PRR33: variants seen among roughly 807,000 people sequenced by gnomAD.
The protein encoded by PRR33 is proline rich 33.
Under a neutral mutation model 0.5 loss-of-function variants are expected in PRR33, and 1 was observed. The observed-to-expected ratio is 2.18, with a 90% confidence interval of 0.77 to 10.34. The LOEUF (loss-of-function observed/expected upper bound fraction) is 10.34. Ranked by LOEUF, PRR33 falls within the 30% of genes most tolerant of loss-of-function variation. The pLI, the probability that PRR33 is intolerant of heterozygous loss-of-function variation, is 0.13. For synonymous variants in PRR33, 226 were observed against 110.0 expected (o/e 2.06, Z -6.60); for missense variants, 552 against 251.8 (o/e 2.19, Z -8.07).
upstream of PRR33, among the ~76,000 whole-genome samples, chr11:1,894,077 T>TGA (rs1554978157): frequency 7.6e-4 from 3 of 3,946 alleles, no homozygotes; most frequent in South Asian, 0.01. Context: ...TGTGTGTGTG[T>TGA]GATAGGGCCT....
chr11:1,908,611 G>A, the PRR33 span, among the ~76,000 whole-genome samples: 2 of 151,982 alleles, frequency 1.3e-5, no homozygotes, highest in Admixed American at 1.3e-4. Context: ...GGTGGTTGTT[G>A]GAAGATAATT....
At chr11:1,897,827 A>G in the PRR33 span, among the ~76,000 whole-genome samples, 3 of 152,308 alleles carry the variant, frequency 2.0e-5, no homozygotes, top group Admixed American at 6.5e-5. This position sits in a 1 kb window ranked among gnomAD's most constrained non-coding sequence, Gnocchi z 4.0. Context: ...GCTGCATGCA[A>G]ACATTTAAAA....
the PRR33 span, among the ~76,000 whole-genome samples, chr11:1,916,751 C>T: frequency 0.065 from 9,892 of 152,262 alleles, 394 homozygotes; most frequent in African/African-American, 0.11. Flanking sequence ...AGGGCCTGTC[C>T]CTCTGAGCTC....
upstream of PRR33, among the ~76,000 whole-genome samples, chr11:1,892,587 C>G (rs973269976): frequency 1.3e-5 from 2 of 152,244 alleles, no homozygotes; most frequent in Admixed American, 1.3e-4. Flanking sequence ...TCGGGGCCTC[C>G]CCCAACACCA....
rs1230733798 is a variant in PRR33 at position 1,888,825 on chromosome 11, G to A, written c.*320C>T. ...AGGAGCCTGGGCTAGGTCAGTAGAT[G>A]CAGTCCTCTGCCATCTTACCTAAAG... On this transcript the variant is annotated 3_prime_UTR_variant, in exon 1 of 1. Transcript: ENST00000640310. 6 of 298,696 alleles carry A rather than the reference G, an allele frequency of 2.0e-5. No individual in the cohort carries two copies. The South Asian group carries it at 7.1e-4, about 35-fold the overall frequency. The allele number at this position is 298,696 out of a possible 1,614,324, so 18.5% of individuals were successfully genotyped here.
the PRR33 span, among the ~76,000 whole-genome samples, chr11:1,910,254 G>T: frequency 6.6e-6 from 1 of 152,030 alleles, no homozygotes; most frequent in Admixed American, 6.6e-5. Context: ...GCGCCATTGT[G>T]GTGTTTTTTT....
chr11:1,889,189 G>T, exon 1 of PRR33: 1 of 675,488 alleles, frequency 1.5e-6, no homozygotes. Flanking sequence ...AAGTTCTTGG[G>T]CTGGGGGCTC....
the PRR33 span, among the ~76,000 whole-genome samples, chr11:1,903,510 C>T: frequency 6.6e-6 from 1 of 152,172 alleles, no homozygotes; most frequent in Admixed American, 6.6e-5. Context: ...ATTTTAGAAG[C>T]TTCTTCACAT....
upstream of PRR33, among the ~76,000 whole-genome samples, chr11:1,896,443 A>G (rs1323571556): frequency 6.6e-6 from 1 of 152,244 alleles, no homozygotes; most frequent in Non-Finnish European, 1.5e-5. Flanking sequence ...AATATCTGAT[A>G]GTTGATTACC....
the PRR33 span, among the ~76,000 whole-genome samples, chr11:1,915,844 A>AGATG: frequency 6.8e-6 from 1 of 146,792 alleles, no homozygotes; most frequent in Non-Finnish European, 1.5e-5. Context: ...ATAGATGAAG[A>AGATG]GATGGATGGA....
At chr11:1,889,015 C>G (rs1322835996) in exon 1 of PRR33, 1 of 556,860 alleles carries the variant, frequency 1.8e-6, no homozygotes, top group African/African-American at 2.0e-5. Context: ...CCTTCCCAGG[C>G]TGCCCTGCAC....
the PRR33 span, among the ~76,000 whole-genome samples, chr11:1,914,423 CTCTGTGTGTGTG>C: frequency 1.4e-5 from 2 of 146,484 alleles, no homozygotes; most frequent in Non-Finnish European, 3.0e-5. Context: ...GATGATGTTT[CTCTGTGTGTGTG>C]TCTGTGTGTG....
chr11:1,891,947 G>A (rs1849017578), upstream of PRR33: 1 of 152,022 alleles, frequency 6.6e-6, no homozygotes, highest in Non-Finnish European at 1.5e-5. Context: ...GGACCCTTTA[G>A]CCTCTCTGCC....
upstream of PRR33, among the ~76,000 whole-genome samples, chr11:1,895,727 A>G (rs938263332): frequency 3.9e-5 from 6 of 152,182 alleles, no homozygotes; most frequent in Non-Finnish European, 7.3e-5. Context: ...TGAGGTACGA[A>G]TGCAAATTAT....
rs1324296825 is a variant in PRR33 at position 1,891,226 on chromosome 11, TG to T, written c.-643del. The T allele has an allele frequency of 6.6e-6, 1 of 152,382 alleles. No individual in the cohort carries two copies. The highest frequency in any genetic ancestry group is 2.4e-5 in the African/African-American group (1 of 41,442). 9.4% of individuals were successfully genotyped at this position (152,382 alleles called of 1,614,324 possible). ...ATTCCCGCAGACCTCCTGTCTGGGG[TG>T]GCCCGGCCAAGCCGCCCACCCTGGT... On this transcript the variant is annotated 5_prime_UTR_variant, in exon 1 of 1. It removes the in-frame stop codon of an upstream open reading frame in the 5' UTR. Transcript: ENST00000640310.
chr11:1,911,287 C>T, the PRR33 span, among the ~76,000 whole-genome samples: 3 of 151,974 alleles, frequency 2.0e-5, no homozygotes, highest in Non-Finnish European at 4.4e-5. Context: ...ACCAAAAATA[C>T]ACAGATTAGC....
At chr11:1,914,024 C>A in the PRR33 span, among the ~76,000 whole-genome samples, 2 of 152,258 alleles carry the variant, frequency 1.3e-5, no homozygotes, top group Non-Finnish European at 2.9e-5. Context: ...CCTTTCAGAA[C>A]CAGGCAGCAC....
At chr11:1,889,050 A>G (rs1848871951) in exon 1 of PRR33, 2 of 574,360 alleles carry the variant, frequency 3.5e-6, no homozygotes, top group Non-Finnish European at 3.1e-6. Flanking sequence ...GCCCTGGTGC[A>G]TCTTCATGCA....
the PRR33 span, among the ~76,000 whole-genome samples, chr11:1,906,072 T>C: frequency 6.7e-6 from 1 of 150,350 alleles, no homozygotes; most frequent in Non-Finnish European, 1.5e-5. Flanking sequence ...GGGATCCTCC[T>C]CTACCAGCCT....
Sources: gnomAD v4.1 joint callset for allele counts (sites outside exome capture counted in the v4.1 genomes callset) on GRCh38, gnomAD v4.1.1 for gene constraint, Gnocchi (gnomAD v3.1) non-coding constraint, MANE v1.5 for transcripts, NCBI Gene and HGNC (gene_info 2026-07-23, HGNC 2026-07-21) for gene names.